Variants in TBC1D32 observed in about 807,000 individuals in gnomAD.
TBC1D32 encodes protein broad-minded.
TBC1D32 carries 151 observed loss-of-function variants against 170.3 expected under a neutral mutation model. The observed-to-expected ratio is 0.89, with a 90% CI of 0.78 to 1.01. The LOEUF is 1.01. TBC1D32 is among the 50% of genes least tolerant of loss of function. TBC1D32 has a pLI of 0.00. For synonymous variants in TBC1D32, 498 were observed against 488.0 expected (o/e 1.02, Z -0.27); for missense variants, 1,464 against 1,457.1 (o/e 1.00, Z -0.08).
chr6:121,285,998 C>G (rs1803751731), intron 12 of TBC1D32, among the ~76,000 whole-genome samples: 1 of 152,142 alleles, frequency 6.6e-6, no homozygotes, highest in Non-Finnish European at 1.5e-5. Context: ...ACGTCACCAT[C>G]ATCAAAGACC....
At chr6:121,141,975 G>A (rs1782844122) in intron 24 of TBC1D32, among the ~76,000 whole-genome samples, 1 of 152,208 alleles carries the variant, frequency 6.6e-6, no homozygotes, top group South Asian at 2.1e-4. Context: ...GTTTACTTAT[G>A]TTGTCCTAAA....
chr6:121,192,330 T>G (rs1479860332), intron 22 of TBC1D32: 4 of 152,072 alleles, frequency 2.6e-5, no homozygotes, highest in African/African-American at 9.7e-5. Flanking sequence ...CACTCCTGAT[T>G]CACCTCTCAT....
At chr6:121,311,674 C>T (rs1808223960) in intron 3 of TBC1D32, among the ~76,000 whole-genome samples, 1 of 150,798 alleles carries the variant, frequency 6.6e-6, no homozygotes, top group African/African-American at 2.4e-5. Flanking sequence ...TTTCAGTGAG[C>T]CAAAATCATG....
At chr6:121,163,081 G>T (rs1785997954) in intron 22 of TBC1D32, 1 of 10,994 alleles carries the variant, frequency 9.1e-5, no homozygotes, top group Admixed American at 1.0e-3. Flanking sequence ...TACGCCCACG[G>T]AATCTCGCTG....
At position 121,131,646 on chromosome 6, in the gene TBC1D32, A is replaced by C. The variant is rs377124985; in HGVS notation, c.2880T>G (p.Pro960=). The change falls in exon 25 of 32, where the codon CCT becomes CCG. Residue 960 remains proline (P), a synonymous_variant. Coordinates refer to ENST00000398212, the MANE Select transcript of TBC1D32 (RefSeq NM_152730.6). Reference sequence around the variant, plus strand: ...ACTTACCCTCTCCACTGATTATATCAGGTTTGGCTTTCATCATTTTGCAAA... The same window carrying C: ...ACTTACCCTCTCCACTGATTATATCCGGTTTGGCTTTCATCATTTTGCAAA... ...RQFCKMMKAK[P]DIISGEALIE... 1 of 1,611,630 alleles carries C rather than the reference A, an allele frequency of 6.2e-7. No homozygotes were observed. Among genetic ancestry groups the C allele is most frequent in the Non-Finnish European group, 8.5e-7 (1 of 1,178,726 alleles).
At chr6:121,259,306 A>T (rs1165143632) in intron 15 of TBC1D32, among the ~76,000 whole-genome samples, 2 of 152,064 alleles carry the variant, frequency 1.3e-5, no homozygotes, top group East Asian at 1.9e-4. Context: ...TCAAAAAAAT[A>T]AACAAAATAA....
intron 12 of TBC1D32, among the ~76,000 whole-genome samples, chr6:121,287,420 T>A (rs1211952884): frequency 1.3e-5 from 2 of 152,060 alleles, no homozygotes; most frequent in Non-Finnish European, 2.9e-5. Context: ...CATTACATAA[T>A]GGTAAAGGGA....
chr6:121,269,578 T>G (rs1801057118), intron 15 of TBC1D32, among the ~76,000 whole-genome samples: 2 of 152,172 alleles, frequency 1.3e-5, no homozygotes, highest in Admixed American at 1.3e-4. Context: ...GAAACATATA[T>G]GTACCCAATA....
chr6:121,099,335 T>C (rs1016350056), intron 30 of TBC1D32, among the ~76,000 whole-genome samples: 1 of 151,968 alleles, frequency 6.6e-6, no homozygotes, highest in African/African-American at 2.4e-5. Flanking sequence ...GAATATGTGA[T>C]TTTCTGTTGC....
intron 22 of TBC1D32, among the ~76,000 whole-genome samples, chr6:121,173,708 TG>T (rs544832554): frequency 2.0e-4 from 30 of 152,028 alleles, no homozygotes; most frequent in African/African-American, 7.0e-4. Flanking sequence ...TCAAGATATA[TG>T]GGGGGTACCA....
chr6:121,113,471 G>A (rs768896763), intron 27 of TBC1D32, among the ~76,000 whole-genome samples: 32 of 152,108 alleles, frequency 2.1e-4, no homozygotes, highest in Non-Finnish European at 4.1e-4. Flanking sequence ...ATGTTGACAG[G>A]TTAGTTTTAC....
rs370858083 is a variant in TBC1D32, at chr6:121,199,579, G to A, written c.2570+5496C>T. On this transcript the variant is annotated intron_variant, in intron 22 of 31. Transcript: ENST00000398212. ...TAGTTACTGTCTTCAATCAGTAATC[G>A]ATCATTTTATTATTTTTATTATTAA... Among the ~76,000 whole-genome samples the A allele has an allele frequency of 3.0e-4, 46 of 151,022 alleles. 1 individual carries two copies. The East Asian group carries it at 6.2e-3, about 20-fold the overall frequency.
intron 22 of TBC1D32, among the ~76,000 whole-genome samples, chr6:121,190,068 A>C: frequency 1.0e-5 from 1 of 98,382 alleles, no homozygotes. Flanking sequence ...TCCTAGCCCA[A>C]TACAGACACA....
chr6:121,232,747 T>C (rs1185972155), intron 20 of TBC1D32, among the ~76,000 whole-genome samples: 10 of 152,082 alleles, frequency 6.6e-5, no homozygotes. Context: ...CATTATTTCT[T>C]TTTTCCTGCT....
upstream of TBC1D32, chr6:121,334,718 G>C (rs1260490190): frequency 2.3e-6 from 1 of 434,954 alleles, no homozygotes; most frequent in Non-Finnish European, 4.2e-6. Flanking sequence ...CAACAAAAGA[G>C]ACATCAGGAA....
intron 15 of TBC1D32, among the ~76,000 whole-genome samples, chr6:121,264,185 A>T (rs1434399339): frequency 6.6e-6 from 1 of 152,148 alleles, no homozygotes; most frequent in African/African-American, 2.4e-5. Flanking sequence ...CACTAGTTAG[A>T]TTAATAAAGA....
At chr6:121,228,811 C>T (rs1224926362) in intron 20 of TBC1D32, among the ~76,000 whole-genome samples, 1 of 152,090 alleles carries the variant, frequency 6.6e-6, no homozygotes, top group Non-Finnish European at 1.5e-5. Context: ...TTGATCTGTT[C>T]TATCAGTTGC....
At chr6:121,241,879 G>T (rs1797028114) in intron 18 of TBC1D32, among the ~76,000 whole-genome samples, 1 of 152,042 alleles carries the variant, frequency 6.6e-6, no homozygotes, top group Admixed American at 6.5e-5. Flanking sequence ...TATACATTTA[G>T]ACACAATAGG....
chr6:121,176,137 A>G (rs1216028728), intron 22 of TBC1D32, among the ~76,000 whole-genome samples: 1 of 152,194 alleles, frequency 6.6e-6, no homozygotes, highest in Non-Finnish European at 1.5e-5. Context: ...TACTACTAAA[A>G]CAAGAAAGTG....
Sources: allele counts gnomAD v4.1 joint callset (sites outside exome capture counted in the v4.1 genomes callset), GRCh38; gene constraint gnomAD v4.1.1; transcripts MANE v1.5; gene names NCBI Gene and HGNC (gene_info 2026-07-23, HGNC 2026-07-21).